The following MRTFA variants were observed in gnomAD, a reference collection of about 807,000 sequenced individuals.
The protein encoded by MRTFA is myocardin related transcription factor A.
MRTFA carries 20 observed loss-of-function variants against 83.5 expected under a neutral mutation model. That is an observed-to-expected ratio of 0.24 (90% CI 0.17 to 0.35). The LOEUF is 0.35. Ranked by LOEUF, MRTFA falls within the 10% of genes least tolerant of loss-of-function variation. The pLI is 1.00. For missense variants in MRTFA, 1,200 were observed against 1,224.7 expected, an observed-to-expected ratio of 0.98 and a Z score of 0.30; for synonymous variants, 659 against 541.2, an observed-to-expected ratio of 1.22 and a Z score of -3.02.
At chr22:40,626,128 C>A (rs1291966715) in intron 1 of MRTFA, among the ~76,000 whole-genome samples, 8 of 151,596 alleles carry the variant, frequency 5.3e-5, no homozygotes, top group Non-Finnish European at 7.4e-5. Context: ...GAATTACAGA[C>A]CCCCACCACC....
intron 2 of MRTFA, among the ~76,000 whole-genome samples, chr22:40,589,693 C>G: frequency 6.6e-6 from 1 of 152,148 alleles, no homozygotes; most frequent in African/African-American, 2.4e-5. Context: ...ATTTGCGTCC[C>G]AAGGCTCTTA....
intron 3 of MRTFA, among the ~76,000 whole-genome samples, chr22:40,538,571 AT>A (rs2055229997): frequency 4.1e-5 from 3 of 73,302 alleles, no homozygotes; most frequent in African/African-American, 1.2e-4. Context: ...CAATAAAAAA[AT>A]AAATTAAAAA....
At chr22:40,521,395 C>G (rs575780187) in intron 3 of MRTFA, among the ~76,000 whole-genome samples, 9 of 152,232 alleles carry the variant, frequency 5.9e-5, no homozygotes, top group African/African-American at 2.2e-4. Flanking sequence ...TTTTTTCACT[C>G]AGAGTAATTC....
intron 4 of MRTFA, among the ~76,000 whole-genome samples, chr22:40,448,395 GC>G (rs1171453699): frequency 6.6e-6 from 1 of 151,902 alleles, no homozygotes; most frequent in East Asian, 1.9e-4. Context: ...GATCACTTGA[GC>G]CCGGGAGGCA....
intron 1 of MRTFA, among the ~76,000 whole-genome samples, chr22:40,598,183 G>A (rs2056215062): frequency 6.6e-6 from 1 of 151,912 alleles, no homozygotes; most frequent in Non-Finnish European, 1.5e-5. Context: ...TTATTTTTTG[G>A]TGGTTGTTTC....
At chr22:40,617,207 A>G (rs1053657266) in intron 1 of MRTFA, among the ~76,000 whole-genome samples, 1 of 20,500 alleles carries the variant, frequency 4.9e-5, no homozygotes. Flanking sequence ...GGAGGGAGGG[A>G]GGGAGGGAGG....
intron 4 of MRTFA, among the ~76,000 whole-genome samples, chr22:40,459,820 C>CATATATATATAT (rs1193249162): frequency 2.4e-5 from 2 of 82,934 alleles, no homozygotes; most frequent in Admixed American, 1.2e-4. Flanking sequence ...CACACACACA[C>CATATATATATAT]ACATATATAC....
At chr22:40,602,708 G>A (rs907782922) in intron 1 of MRTFA, among the ~76,000 whole-genome samples, 11 of 151,624 alleles carry the variant, frequency 7.3e-5, no homozygotes, top group South Asian at 2.1e-4. Flanking sequence ...TTAGCGAGGC[G>A]TGGTGGCATG....
intron 4 of MRTFA, among the ~76,000 whole-genome samples, chr22:40,449,199 G>A (rs1337917271): frequency 2.0e-5 from 3 of 151,472 alleles, no homozygotes; most frequent in African/African-American, 7.3e-5. Flanking sequence ...CCCAGGAGGC[G>A]GAGCTTGTAG....
intron 3 of MRTFA, among the ~76,000 whole-genome samples, chr22:40,529,894 C>G (rs2055047399): frequency 1.3e-5 from 2 of 152,134 alleles, no homozygotes; most frequent in Admixed American, 1.3e-4. Flanking sequence ...TTGAGGCAGC[C>G]AGGGTTACCA....
chr22:40,525,136 G>A (rs180719070), intron 3 of MRTFA, among the ~76,000 whole-genome samples: 126 of 152,186 alleles, frequency 8.3e-4, no homozygotes, highest in African/African-American at 3.0e-3. Flanking sequence ...GAATACAAAA[G>A]AAATGTATGC....
rs539860046 is a variant in MRTFA at position 40,577,364 on chromosome 22, G to A, written c.-22+17310C>T. Among the ~76,000 whole-genome samples the A allele has an allele frequency of 5.9e-5, 9 of 151,812 alleles. No homozygotes were observed. In the East Asian group the frequency reaches 1.2e-3, roughly 20 times the overall value. ...AACTTGAAAGACTCCATTTTGGAAT[G>A]AGAGAAAGCACAACTTTAAAGGATG... On this transcript the variant is annotated intron_variant, in intron 2 of 14. Transcript: ENST00000355630.
chr22:40,488,477 G>C (rs1015062012), intron 3 of MRTFA, among the ~76,000 whole-genome samples: 2 of 152,128 alleles, frequency 1.3e-5, no homozygotes, highest in African/African-American at 4.8e-5. Flanking sequence ...TGAGCCCAGA[G>C]TTTGAGTCCA....
chr22:40,489,800 G>A (rs979851316), intron 3 of MRTFA, among the ~76,000 whole-genome samples: 3 of 151,926 alleles, frequency 2.0e-5, no homozygotes, highest in African/African-American at 7.3e-5. Context: ...CTAACATGGT[G>A]AAATCCTGTC....
chr22:40,541,219 A>T (rs1191057888), intron 3 of MRTFA, among the ~76,000 whole-genome samples: 1 of 152,218 alleles, frequency 6.6e-6, no homozygotes, highest in Non-Finnish European at 1.5e-5. Context: ...CAATTTCACT[A>T]ATATCAATTT....
At chr22:40,615,679 T>G (rs1367953365) in intron 1 of MRTFA, among the ~76,000 whole-genome samples, 1 of 140,820 alleles carries the variant, frequency 7.1e-6, no homozygotes, top group Non-Finnish European at 1.5e-5. Context: ...GTCCTATATT[T>G]TCTTTTCTTT....
chr22:40,517,735 A>C (rs531732189), intron 3 of MRTFA, among the ~76,000 whole-genome samples: 2 of 152,318 alleles, frequency 1.3e-5, no homozygotes, highest in South Asian at 2.1e-4. Context: ...TTTGTTATTC[A>C]TAACAGGTCC....
chr22:40,512,598 T>TA (rs1440319408), intron 3 of MRTFA, among the ~76,000 whole-genome samples: 1 of 152,262 alleles, frequency 6.6e-6, no homozygotes, highest in African/African-American at 2.4e-5. Context: ...GAAAGATGAT[T>TA]ATTTCTCAAC....
chr22:40,523,196 CTTTT>C (rs1318791860), intron 3 of MRTFA, among the ~76,000 whole-genome samples: 1 of 151,678 alleles, frequency 6.6e-6, no homozygotes, highest in East Asian at 1.9e-4. Context: ...AGCAGGTTTT[CTTTT>C]TTGTTTCCTG....
Sources: allele counts gnomAD v4.1 joint callset (sites outside exome capture counted in the v4.1 genomes callset), GRCh38; gene constraint gnomAD v4.1.1; transcripts MANE v1.5; gene names NCBI Gene and HGNC (gene_info 2026-07-23, HGNC 2026-07-21).